Variants in BAIAP2L2 observed in about 807,000 individuals in gnomAD.
BAIAP2L2 encodes BAR/IMD domain containing adaptor protein 2 like 2.
Under a neutral mutation model 60.4 loss-of-function variants are expected in BAIAP2L2, and 65 were observed. That is an observed-to-expected ratio of 1.08 (90% CI 0.88 to 1.32). The LOEUF (loss-of-function observed/expected upper bound fraction) is 1.32, where lower values mean the gene tolerates loss of function less well. BAIAP2L2 is among the 40% of genes most tolerant of loss of function. The probability of loss-of-function intolerance (pLI) is 0.00; values close to 1 mark genes in which losing one functional copy is unlikely to be tolerated. For missense variants in BAIAP2L2, 836 were observed against 741.2 expected (o/e 1.13, Z -1.48); for synonymous variants, 344 against 301.7 (o/e 1.14, Z -1.45).
In BAIAP2L2 at chr22:38,097,142, A is replaced by G; in HGVS notation, c.502T>C (p.Phe168Leu). ...VNRLHAQMQA[F>L]VSESQRAAEL... is the part of the protein sequence containing the mutation. ...GCCGCCCGCTGACTCTCAGACACGA[A>G]GGCCTGCATCTGTGCGTGCAGCCGG... Residue 168 changes from phenylalanine (F) to leucine (L), a missense_variant, in exon 7 of 14, where the codon TTC (phenylalanine) becomes CTC (leucine). Phe to Leu is a conservative substitution (Grantham distance 22, BLOSUM62 0). Coordinates refer to ENST00000381669, the MANE Select transcript of BAIAP2L2 (RefSeq NM_025045.6). The G allele has an allele frequency of 1.2e-6, 2 of 1,613,906 alleles. No individual in the cohort carries two copies. Among genetic ancestry groups the G allele is most frequent in the Non-Finnish European group, 1.7e-6 (2 of 1,180,018 alleles).
intron 2 of BAIAP2L2, among the ~76,000 whole-genome samples, chr22:38,108,892 G>A (rs1394548234): frequency 2.6e-5 from 4 of 152,024 alleles, no homozygotes; most frequent in East Asian, 1.9e-4. Flanking sequence ...GGAGTGTCTG[G>A]AGGCACCTGA....
chr22:38,086,287 G>A lies in BAIAP2L2; in HGVS notation c.1422C>T (p.Ser474=), dbSNP rs2086064996. The A allele has an allele frequency of 1.9e-6, 3 of 1,611,162 alleles. No homozygotes were observed. Among genetic ancestry groups the A allele is most frequent in the East Asian group, 2.2e-5 (1 of 44,870 alleles). The change falls in exon 12 of 14, where the codon AGC becomes AGT. Residue 474 remains serine (S), a synonymous_variant. Coordinates refer to ENST00000381669, the MANE Select transcript of BAIAP2L2 (RefSeq NM_025045.6). ...PSPAPPPLPS[S]RRSSMGSTAV... is the part of the protein sequence containing the mutation. ...CTGTGCTGCCCATGCTGCTGCGGCG[G>A]CTGCTGGGCAAGGGTGGAGGTGCAG...
At chr22:38,102,658 C>G (rs2086589938) in intron 4 of BAIAP2L2, among the ~76,000 whole-genome samples, 2 of 151,944 alleles carry the variant, frequency 1.3e-5, no homozygotes, top group African/African-American at 4.8e-5. Context: ...TTTGGGAGGC[C>G]CAGATGGGAG....
intron 3 of BAIAP2L2, 117 bp downstream of exon 3, chr22:38,108,138 G>A: frequency 9.2e-7 from 1 of 1,083,616 alleles, no homozygotes; most frequent in South Asian, 1.5e-5. Context: ...CAGAACAAGA[G>A]TCTGGCTCTG....
intron 2 of BAIAP2L2, 115 bp downstream of exon 2, chr22:38,109,018 G>A: frequency 1.1e-6 from 1 of 899,354 alleles, no homozygotes; most frequent in Admixed American, 1.9e-5. Flanking sequence ...GTGGGTAGGA[G>A]GGTGTAGGGT....
intron 7 of BAIAP2L2, among the ~76,000 whole-genome samples, chr22:38,093,578 A>T (rs1011253233): frequency 2.0e-5 from 3 of 152,246 alleles, no homozygotes; most frequent in African/African-American, 7.2e-5. Context: ...TCCAAAGAAG[A>T]TCTATAAATA....
chr22:38,093,277 C>T (rs553023135), intron 7 of BAIAP2L2, among the ~76,000 whole-genome samples: 8 of 152,316 alleles, frequency 5.3e-5, no homozygotes, highest in South Asian at 2.1e-4. Flanking sequence ...CTAGAGGCTT[C>T]GCCAGGAGCA....
At chr22:38,089,019 C>A in intron 9 of BAIAP2L2, 55 bp from the exon 10 acceptor site, 2 of 1,451,376 alleles carry the variant, frequency 1.4e-6, no homozygotes, top group Non-Finnish European at 1.8e-6. Flanking sequence ...CTGGCGTCTG[C>A]CCTCGATCCC....
intron 4 of BAIAP2L2, among the ~76,000 whole-genome samples, chr22:38,105,289 C>T (rs1173559493): frequency 4.6e-5 from 7 of 151,790 alleles, no homozygotes; most frequent in Non-Finnish European, 1.0e-4. Context: ...GCCCTTCCCC[C>T]AGATGTATTC....
rs2086713800 is a variant in BAIAP2L2 at position 38,108,403 on chromosome 22, C to A, written c.128-62G>T. On this transcript the variant is annotated intron_variant, in intron 2 of 13. Coordinates refer to ENST00000381669, the MANE Select transcript of BAIAP2L2 (RefSeq NM_025045.6). Reference sequence around the variant, plus strand: ...CCTCTGCCCCACCCTTCTGGAGGCTCTTTTCATCTGGAGGGGACTGTGTCT... The same window carrying A: ...CCTCTGCCCCACCCTTCTGGAGGCTATTTTCATCTGGAGGGGACTGTGTCT... 3 of 1,318,750 alleles carry A rather than the reference C, an allele frequency of 2.3e-6. No individual in the cohort carries two copies. The African/African-American group carries it at 4.4e-5, about 19-fold the overall frequency. The allele number at this position is 1,318,750 out of a possible 1,614,324, so 81.7% of individuals were successfully genotyped here. A position where few individuals can be genotyped will look rare whatever the true frequency, so the allele number is the denominator to read the frequency against.
intron 3 of BAIAP2L2, 33 bp downstream of exon 3, chr22:38,108,222 A>G (rs773133183): frequency 1.9e-6 from 3 of 1,594,580 alleles, no homozygotes; most frequent in East Asian, 2.2e-5. Context: ...GGAGGGCCCA[A>G]GAATGGGGTC....
intron 4 of BAIAP2L2, among the ~76,000 whole-genome samples, chr22:38,106,211 A>C (rs750346170): frequency 6.6e-6 from 1 of 152,144 alleles, no homozygotes; most frequent in Non-Finnish European, 1.5e-5. Context: ...TGGGATGTGC[A>C]TTTACTAATA....
chr22:38,109,069 G>T, intron 2 of BAIAP2L2, 64 bp downstream of exon 2: 1 of 1,362,710 alleles, frequency 7.3e-7, no homozygotes, highest in Non-Finnish European at 1.0e-6. Context: ...TCTGGGAGGG[G>T]CCTGGGTGGG....
chr22:38,092,592 C>T (rs1251440216), intron 7 of BAIAP2L2, among the ~76,000 whole-genome samples: 1 of 152,064 alleles, frequency 6.6e-6, no homozygotes, highest in African/African-American at 2.4e-5. Flanking sequence ...GTGCCTTCTA[C>T]TTATAAATAG....
At position 38,089,558 on chromosome 22, in the gene BAIAP2L2, G is replaced by T. The variant is rs1347542879; in HGVS notation, c.729C>A (p.Tyr243Ter). Residue 243 changes from tyrosine (Y) to a stop codon, truncating the protein, a stop_gained, in exon 8 of 14, where the codon TAC becomes TAA. Transcript: ENST00000381669. LOFTEE classifies it high-confidence loss of function. Reference protein sequence around the residue: ...GLLGPALGPPYPSGRLTPTCL... With the variant: ...GLLGPALGPP Reference sequence around the variant, plus strand: ...AGGTGGGCGTCAGGCGGCCCGAGGGGTAGGGCGGCCCCAGCGCGGGGCCCA... The same window carrying T: ...AGGTGGGCGTCAGGCGGCCCGAGGGTTAGGGCGGCCCCAGCGCGGGGCCCA... 8.1e-7 allele frequency: 1 copy of T among 1,228,552 alleles called. No individual in the cohort carries two copies. Among genetic ancestry groups the T allele is most frequent in the Non-Finnish European group, 1.0e-6 (1 of 986,628 alleles). 76.1% of individuals were successfully genotyped at this position (1,228,552 alleles called of 1,614,324 possible). A position where few individuals can be genotyped will look rare whatever the true frequency, so the allele number is the denominator to read the frequency against.
At chr22:38,092,996 G>A (rs1055050746) in intron 7 of BAIAP2L2, among the ~76,000 whole-genome samples, 8 of 151,968 alleles carry the variant, frequency 5.3e-5, no homozygotes, top group Non-Finnish European at 1.0e-4. Flanking sequence ...GTGAAACCCC[G>A]TCTCTACTAA....
At chr22:38,093,124 C>T (rs1485851015) in intron 7 of BAIAP2L2, among the ~76,000 whole-genome samples, 1 of 152,128 alleles carries the variant, frequency 6.6e-6, no homozygotes, top group African/African-American at 2.4e-5. Flanking sequence ...TGAGATCATG[C>T]CACTGCACTC....
At chr22:38,104,564 C>A (rs950706094) in intron 4 of BAIAP2L2, among the ~76,000 whole-genome samples, 3 of 149,728 alleles carry the variant, frequency 2.0e-5, no homozygotes, top group Non-Finnish European at 3.0e-5. Flanking sequence ...GGCGCGATCT[C>A]GGCTCACTGC....
At chr22:38,087,890 A>AC (rs397824711) in intron 10 of BAIAP2L2, among the ~76,000 whole-genome samples, 68,213 of 115,048 alleles carry the variant, frequency 0.59, 19,991 homozygotes, top group Admixed American at 0.63. Flanking sequence ...CCAGTCAGTG[A>AC]CCCCCCCCCC....
Sources: allele counts gnomAD v4.1 joint callset (sites outside exome capture counted in the v4.1 genomes callset), GRCh38; gene constraint gnomAD v4.1.1; transcripts MANE v1.5; gene names NCBI Gene and HGNC (gene_info 2026-07-23, HGNC 2026-07-21).